CNGA4: variants seen among roughly 807,000 people sequenced by gnomAD.
CNGA4 encodes the protein cyclic nucleotide gated channel subunit alpha 4.
CNGA4 carries 32 observed loss-of-function variants against 45.6 expected under a neutral mutation model. The observed-to-expected ratio is 0.70, with a 90% CI of 0.53 to 0.94. CNGA4 has a LOEUF of 0.94. Among genes scored for constraint, CNGA4 ranks in the 40% least tolerant of loss-of-function variants. The pLI, the probability that CNGA4 is intolerant of heterozygous loss-of-function variation, is 0.00. For missense variants in CNGA4, 726 were observed against 755.1 expected, an observed-to-expected ratio of 0.96 and a Z score of 0.45; for synonymous variants, 293 against 304.6, an observed-to-expected ratio of 0.96 and a Z score of 0.40.
At chr11:6,235,070 G>C (rs1417273104), upstream of CNGA4, among the ~76,000 whole-genome samples, 1 of 152,206 alleles carries the variant, frequency 6.6e-6, no homozygotes, top group Admixed American at 6.5e-5. Flanking sequence ...AGACGAGCGA[G>C]AAAGGGGTGG....
At chr11:6,237,055 A>G (rs963472845), upstream of CNGA4, among the ~76,000 whole-genome samples, 1 of 152,184 alleles carries the variant, frequency 6.6e-6, no homozygotes, top group African/African-American at 2.4e-5. Flanking sequence ...ACTTCTCACA[A>G]TGTGATGGGT....
Position 6,240,409 on chromosome 11 carries a change from C to A in CNGA4, c.615C>A (p.Asp205Glu), listed in dbSNP as rs371173370. ...GGCGTGACGCATGGGTGTACCCGGA[C>A]CCCGCGCAGCCTGGCTTTGAGCGCC... ...GFGRDAWVYP[D>E]PAQPGFERLR... Residue 205 changes from aspartate (D) to glutamate (E), a missense_variant, in exon 4 of 6, where the codon GAC (aspartate) becomes GAA (glutamate). By Grantham distance (45) the Asp-to-Glu change is conservative. Coordinates refer to ENST00000379936, the MANE Select transcript of CNGA4 (RefSeq NM_001037329.4). The surrounding 1 kb of genome is among the most constrained non-coding windows in gnomAD (Gnocchi z 4.9). 86 of 1,614,130 alleles carry A rather than the reference C, an allele frequency of 5.3e-5. No homozygotes were observed. The highest frequency in any genetic ancestry group is 6.8e-5 in the Non-Finnish European group (80 of 1,180,052).
In CNGA4 at chr11:6,239,396, T is replaced by G. The variant is rs866642764; in HGVS notation, c.75T>G (p.Pro25=). The part of the protein sequence containing the change: ...PAPSKARKLL[P]VLDPSGDYYY... ...TTCTTTCTTACAGGAAGTTGCTGCC[T>G]GTCCTGGACCCATCTGGGGATTACT... Residue 25 remains proline, a synonymous_variant, in exon 2 of 6, where the codon CCT becomes CCG. Coordinates refer to ENST00000379936, the MANE Select transcript of CNGA4 (RefSeq NM_001037329.4). The G allele has an allele frequency of 6.2e-7, 1 of 1,614,244 alleles. No individual in the cohort carries two copies.
In CNGA4 at chr11:6,240,523, G is replaced by T; in HGVS notation, c.729G>T (p.Glu243Asp). The change falls in exon 4 of 6, where the codon GAG becomes GAT. Residue 243 changes from glutamate (E) to aspartate (D), a missense_variant. Physicochemically the swap from Glu to Asp is conservative, Grantham distance 45. Transcript: ENST00000379936. This position sits in a 1 kb window ranked among gnomAD's most constrained non-coding sequence, Gnocchi z 4.9. ...GDTPPPAREE[E>D]YLFMVGDFLL... ...CACCGCCGCCAGCCAGGGAAGAAGA[G>T]TACCTCTTCATGGTGGGCGACTTCC... The T allele has an allele frequency of 6.2e-7, 1 of 1,614,250 alleles. No individual in the cohort carries two copies. The highest frequency in any genetic ancestry group is 8.5e-7 in the Non-Finnish European group (1 of 1,180,056).
In CNGA4 at chr11:6,244,057, A is replaced by G; in HGVS notation, c.1376A>G (p.Gln459Arg). ...DLREVLSEYP[Q>R]AQTIMEEKGR... is the part of the protein sequence containing the mutation. ...CGGGAGGTGCTGAGCGAGTATCCAC[A>G]AGCACAGACCATCATGGAGGAGAAA... The change falls in exon 6 of 6, where the codon CAA (glutamine) becomes CGA (arginine). Residue 459 changes from glutamine to arginine, a missense_variant. Gln to Arg is a conservative substitution (Grantham distance 43). Transcript: ENST00000379936. The surrounding 1 kb of genome is among the most constrained non-coding windows in gnomAD (Gnocchi z 4.5). 2 of 1,614,192 alleles carry G rather than the reference A, an allele frequency of 1.2e-6. No homozygotes were observed. The highest frequency in any genetic ancestry group is 1.7e-6 in the Non-Finnish European group (2 of 1,180,028).
Position 6,240,535 on chromosome 11 carries a change from G to T in CNGA4, c.741G>T (p.Met247Ile), listed in dbSNP as rs374795265. Residue 247 changes from methionine to isoleucine, a missense_variant, in exon 4 of 6, where the codon ATG becomes ATT. Transcript: ENST00000379936. This position sits in a 1 kb window ranked among gnomAD's most constrained non-coding sequence, Gnocchi z 4.9. Reference protein sequence around the residue: ...PPAREEEYLFMVGDFLLAVMG... With the variant: ...PPAREEEYLFIVGDFLLAVMG... ...CCAGGGAAGAAGAGTACCTCTTCATGGTGGGCGACTTCCTGCTGGCCGTCA... is the reference window on the plus strand; with the variant it reads ...CCAGGGAAGAAGAGTACCTCTTCATTGTGGGCGACTTCCTGCTGGCCGTCA... The T allele has an allele frequency of 2.2e-5, 35 of 1,614,114 alleles. No individual in the cohort carries two copies. Among genetic ancestry groups the T allele is most frequent in the Non-Finnish European group, 2.8e-5 (33 of 1,180,062 alleles).
rs1417425329 is a variant in CNGA4, at chr11:6,240,143, T to C, written c.349T>C (p.Leu117=). Residue 117 remains leucine (L), a synonymous_variant, in exon 4 of 6, where the codon TTG becomes CTG. Transcript: ENST00000379936. This position sits in a 1 kb window ranked among gnomAD's most constrained non-coding sequence, Gnocchi z 4.9. ...CTACGTTCGCACCTGGAGTTTCTTC[T>C]TGGACCTGGCTTCCCTGATGCCCAC... The part of the protein sequence containing the change: ...SRYVRTWSFF[L]DLASLMPTDV... 3.1e-6 allele frequency: 5 copies of C among 1,614,088 alleles called. No individual in the cohort carries two copies. The highest frequency in any genetic ancestry group is 3.3e-5 in the Admixed American group (2 of 60,016).
rs755483425 is a variant in CNGA4 at position 6,241,552 on chromosome 11, C to T, written c.1039C>T (p.Gln347Ter). 8 of 1,614,082 alleles carry T rather than the reference C, an allele frequency of 5.0e-6. No homozygotes were observed. The highest frequency in any genetic ancestry group is 1.3e-5 in the African/African-American group (1 of 74,928). The change falls in exon 5 of 6, where the codon CAG becomes TAG. Residue 347 changes from glutamine (Q) to a stop codon, truncating the protein, a stop_gained. Coordinates refer to ENST00000379936, the MANE Select transcript of CNGA4 (RefSeq NM_001037329.4). LOFTEE classifies it high-confidence loss of function. ...GCACCTGTCCACTCTGAGCCGGGTGCAGATCTTTCAGAACTGTGAGGCCAG... is the reference window on the plus strand; with the variant it reads ...GCACCTGTCCACTCTGAGCCGGGTGTAGATCTTTCAGAACTGTGAGGCCAG... ...SVHLSTLSRV[Q>*]IFQNCEASLL...
chr11:6,244,831 T>C (rs534427812), downstream of CNGA4, among the ~76,000 whole-genome samples: 1 of 152,200 alleles, frequency 6.6e-6, no homozygotes, highest in Non-Finnish European at 1.5e-5. This position sits in a 1 kb window ranked among gnomAD's most constrained non-coding sequence, Gnocchi z 4.5. Context: ...CAGATGCCCT[T>C]CACAGGTGTG....
At chr11:6,242,621 A>G (rs761774478) in intron 5 of CNGA4, among the ~76,000 whole-genome samples, 8 of 152,144 alleles carry the variant, frequency 5.3e-5, no homozygotes, top group Non-Finnish European at 1.0e-4. Context: ...TGTATGTGGT[A>G]GGATGCTGTC....
rs1418444205 is a variant in CNGA4, at chr11:6,239,474, C to A, written c.153C>A (p.Ile51=). ...MVFPVMYNLI[I]LVCRACFPDL... ...TCCCAGTCATGTATAACCTCATCAT[C>A]CTCGTGTGCAGGTATGGCAGCGGTG... Residue 51 remains isoleucine, a synonymous_variant, in exon 2 of 6, where the codon ATC becomes ATA. Coordinates refer to ENST00000379936, the MANE Select transcript of CNGA4 (RefSeq NM_001037329.4). 1.2e-6 allele frequency: 2 copies of A among 1,614,168 alleles called. No homozygotes were observed. Among genetic ancestry groups the A allele is most frequent in the South Asian group, 1.1e-5 (1 of 91,086 alleles).
At position 6,241,572 on chromosome 11, in the gene CNGA4, G is replaced by T. The variant is rs1847919288; in HGVS notation, c.1059G>T (p.Glu353Asp). The change falls in exon 5 of 6, where the codon GAG becomes GAT. Residue 353 changes from glutamate to aspartate, a missense_variant. Transcript: ENST00000379936. ...GGGTGCAGATCTTTCAGAACTGTGA[G>T]GCCAGCCTGCTGGAGGAGCTGGTGC... is the stretch of plus-strand genomic sequence containing the variant. ...LSRVQIFQNC[E>D]ASLLEELVLK... 6.2e-7 allele frequency: 1 copy of T among 1,614,238 alleles called. No individual in the cohort carries two copies. Among genetic ancestry groups the T allele is most frequent in the African/African-American group, 1.3e-5 (1 of 75,056 alleles).
upstream of CNGA4, among the ~76,000 whole-genome samples, chr11:6,235,201 A>G (rs1238710188): frequency 6.6e-6 from 1 of 152,070 alleles, no homozygotes; most frequent in Non-Finnish European, 1.5e-5. Context: ...AGCCCTAGAG[A>G]GGGCTGACTG....
At chr11:6,237,214 G>A (rs1265294669), upstream of CNGA4, among the ~76,000 whole-genome samples, 2 of 152,226 alleles carry the variant, frequency 1.3e-5, no homozygotes, top group Non-Finnish European at 2.9e-5. Context: ...AGGGAGTGGT[G>A]TCGAAGAATT....
In CNGA4 at chr11:6,240,379, C is replaced by T; in HGVS notation, c.585C>T (p.Gly195=). The change falls in exon 4 of 6, where the codon GGC becomes GGT. Residue 195 remains glycine (G), a synonymous_variant. Coordinates refer to ENST00000379936, the MANE Select transcript of CNGA4 (RefSeq NM_001037329.4). The surrounding 1 kb of genome is among the most constrained non-coding windows in gnomAD (Gnocchi z 4.9). Reference sequence around the variant, plus strand: ...ACTTTGCCCTATCCCGGTACCTGGGCTTCGGGCGTGACGCATGGGTGTACC... The same window carrying T: ...ACTTTGCCCTATCCCGGTACCTGGGTTTCGGGCGTGACGCATGGGTGTACC... ...CLYFALSRYL[G]FGRDAWVYPD... is the part of the protein sequence containing the mutation. 6.2e-7 allele frequency: 1 copy of T among 1,614,250 alleles called. No homozygotes were observed. The highest frequency in any genetic ancestry group is 8.5e-7 in the Non-Finnish European group (1 of 1,180,044).
At chr11:6,237,190 T>C (rs1268782596), upstream of CNGA4, among the ~76,000 whole-genome samples, 1 of 152,236 alleles carries the variant, frequency 6.6e-6, no homozygotes, top group African/African-American at 2.4e-5. Context: ...ACTCCTGCTA[T>C]ACAAACTATC....
chr11:6,235,548 G>C, upstream of CNGA4: 10 of 985,166 alleles, frequency 1.0e-5, no homozygotes, highest in Non-Finnish European at 1.2e-5. Flanking sequence ...GAAGACTTCC[G>C]GGAGGTGACG....
upstream of CNGA4, among the ~76,000 whole-genome samples, chr11:6,236,465 G>T (rs772173207): frequency 3.3e-5 from 5 of 152,156 alleles, no homozygotes; most frequent in Non-Finnish European, 7.3e-5. Context: ...ATTTTTAGAA[G>T]GTAGATCACC....
At chr11:6,241,874 T>A in intron 5 of CNGA4, 94 bp downstream of exon 5, 1 of 1,154,646 alleles carries the variant, frequency 8.7e-7, no homozygotes, top group Non-Finnish European at 1.3e-6. Flanking sequence ...ACTTCAGGCC[T>A]AAACTTCTGA....
Sources: allele counts gnomAD v4.1 joint callset (sites outside exome capture counted in the v4.1 genomes callset), GRCh38; gene constraint gnomAD v4.1.1; non-coding constraint Gnocchi (gnomAD v3.1); transcripts MANE v1.5; gene names NCBI Gene and HGNC (gene_info 2026-07-23, HGNC 2026-07-21).